ZNF341: variants seen among roughly 807,000 people sequenced by gnomAD.
ZNF341 encodes zinc finger protein 341.
A neutral mutation model predicts 87.7 loss-of-function variants in ZNF341; 52 were observed. The observed-to-expected ratio is 0.59, with a 90% CI of 0.47 to 0.75. The LOEUF (loss-of-function observed/expected upper bound fraction) is 0.75. Among genes scored for constraint, ZNF341 ranks in the 30% least tolerant of loss-of-function variants. The pLI is 0.00. For missense variants in ZNF341, 977 were observed against 1,145.9 expected (o/e 0.85, Z 2.13); for synonymous variants, 459 against 472.7 (o/e 0.97, Z 0.38).
At chr20:33,738,017 A>G (rs910274846) in intron 1 of ZNF341, among the ~76,000 whole-genome samples, 17 of 151,750 alleles carry the variant, frequency 1.1e-4, no homozygotes, top group Admixed American at 6.6e-5. Context: ...TGTGCCTATA[A>G]TCCCAGCTAC....
rs185666845 is a variant in ZNF341 at position 33,734,008 on chromosome 20, T to C, written c.31+1956T>C. On this transcript the variant is annotated intron_variant, in intron 1 of 14. Transcript: ENST00000375200. ...GGTGAGGCTTACTTTCTCTTTAGGC[T>C]GTTTGGACTTCCTCATTGTTTGAAT... is the stretch of plus-strand genomic sequence containing the variant. Among the ~76,000 whole-genome samples the C allele has an allele frequency of 2.0e-5, 3 of 152,342 alleles. No homozygotes were observed. In the East Asian group the frequency reaches 5.8e-4, roughly 29 times the overall value.
intron 4 of ZNF341, among the ~76,000 whole-genome samples, chr20:33,749,847 G>A (rs2019017155): frequency 6.6e-6 from 1 of 151,648 alleles, no homozygotes; most frequent in South Asian, 2.1e-4. Context: ...CCACCTCCCA[G>A]GTCCAAGCAA....
At chr20:33,760,576 C>G (rs1004791999) in intron 7 of ZNF341, among the ~76,000 whole-genome samples, 3 of 151,882 alleles carry the variant, frequency 2.0e-5, no homozygotes, top group Non-Finnish European at 4.4e-5. Flanking sequence ...CAGGGTCTTG[C>G]TCTGTTGCCC....
chr20:33,735,708 C>T (rs2018667709), intron 1 of ZNF341, among the ~76,000 whole-genome samples: 1 of 152,130 alleles, frequency 6.6e-6, no homozygotes, highest in African/African-American at 2.4e-5. Context: ...TCCCACGTGT[C>T]CTTGACCCCA....
rs754751484 is a variant in ZNF341 at position 33,791,695 on chromosome 20, G to A, written c.*178G>A. On this transcript the variant is annotated 3_prime_UTR_variant, in exon 15 of 15. Transcript: ENST00000375200. The stretch of plus-strand genomic sequence containing the variant: ...GGTCGCCCTCCTGTGCCCCTCTCCT[G>A]CCGGAAAGCCCTGCAACATTCTAGG... 4.3e-6 allele frequency: 3 copies of A among 689,748 alleles called. No homozygotes were observed. Among genetic ancestry groups the A allele is most frequent in the Non-Finnish European group, 6.9e-6 (3 of 436,252 alleles). 42.7% of individuals were successfully genotyped at this position (689,748 alleles called of 1,614,324 possible).
intron 10 of ZNF341, among the ~76,000 whole-genome samples, chr20:33,772,433 G>T (rs1310086515): frequency 6.6e-6 from 1 of 152,094 alleles, no homozygotes; most frequent in Non-Finnish European, 1.5e-5. Context: ...GAAGCTTCTG[G>T]GGTTCAGAGA....
chr20:33,733,299 A>G lies in ZNF341; in HGVS notation c.31+1247A>G, dbSNP rs552316220. Among the ~76,000 whole-genome samples the G allele has an allele frequency of 1.8e-3, 273 of 148,476 alleles. 1 individual carries two copies. The highest frequency in any genetic ancestry group is 6.6e-3 in the African/African-American group (267 of 40,174). ...AGTGGAGCGATCTCGGCTCACTGCAACCTCCGCTTCCCGGGGTTCACGCCA... is the reference window on the plus strand; with the variant it reads ...AGTGGAGCGATCTCGGCTCACTGCAGCCTCCGCTTCCCGGGGTTCACGCCA... On this transcript the variant is annotated intron_variant, in intron 1 of 14. Coordinates refer to ENST00000375200, the MANE Select transcript of ZNF341 (RefSeq NM_001282933.2).
intron 5 of ZNF341, among the ~76,000 whole-genome samples, chr20:33,756,944 C>T (rs2019188666): frequency 6.6e-6 from 1 of 152,136 alleles, no homozygotes; most frequent in Non-Finnish European, 1.5e-5. Flanking sequence ...CAGCCTGGCT[C>T]CATAGCTGTT....
chr20:33,750,788 C>T (rs887997058), intron 4 of ZNF341, among the ~76,000 whole-genome samples: 2 of 152,060 alleles, frequency 1.3e-5, no homozygotes, highest in African/African-American at 2.4e-5. Flanking sequence ...TTACAGGCAC[C>T]CGCCACCATG....
In ZNF341 at chr20:33,791,738, C is replaced by T. The variant is rs2020042317; in HGVS notation, c.*221C>T. On this transcript the variant is annotated 3_prime_UTR_variant, in exon 15 of 15. Coordinates refer to ENST00000375200, the MANE Select transcript of ZNF341 (RefSeq NM_001282933.2). Reference sequence around the variant, plus strand: ...ATTCTAGGGTTGGGGGCAGGGCCATCCACGGTTTCTGGGCAGAGCCATGGT... The same window carrying T: ...ATTCTAGGGTTGGGGGCAGGGCCATTCACGGTTTCTGGGCAGAGCCATGGT... The T allele has an allele frequency of 1.9e-6, 1 of 514,968 alleles. No homozygotes were observed. The highest frequency in any genetic ancestry group is 1.9e-5 in the African/African-American group (1 of 53,002). The allele number at this position is 514,968 out of a possible 1,614,324, so 31.9% of individuals were successfully genotyped here.
At chr20:33,790,861 TG>T in intron 14 of ZNF341, 126 bp from the exon 15 acceptor site, 1 of 1,130,710 alleles carries the variant, frequency 8.8e-7, no homozygotes, top group Middle Eastern at 3.0e-4. Flanking sequence ...ACGACGAGGG[TG>T]GAGAGAGCTG....
At chr20:33,737,387 T>C (rs186649855) in intron 1 of ZNF341, among the ~76,000 whole-genome samples, 10 of 152,354 alleles carry the variant, frequency 6.6e-5, no homozygotes, top group African/African-American at 2.4e-4. Flanking sequence ...AATGGCGTGA[T>C]CTCACCTCAC....
At position 33,791,523 on chromosome 20, in the gene ZNF341, C is replaced by T. The variant is rs6120378; in HGVS notation, c.*6C>T. ...ACATCCAGGCCTCCGAGTGACGGACCTGAGGTGTCTGTTTCCTGGGCAGGC... is the reference window on the plus strand; with the variant it reads ...ACATCCAGGCCTCCGAGTGACGGACTTGAGGTGTCTGTTTCCTGGGCAGGC... On this transcript the variant is annotated 3_prime_UTR_variant, in exon 15 of 15. Transcript: ENST00000375200. 6.5e-7 allele frequency: 1 copy of T among 1,538,038 alleles called. No individual in the cohort carries two copies. Among genetic ancestry groups the T allele is most frequent in the South Asian group, 1.2e-5 (1 of 82,620 alleles).
intron 5 of ZNF341, among the ~76,000 whole-genome samples, chr20:33,755,023 A>G (rs770517991): frequency 6.6e-6 from 1 of 150,714 alleles, no homozygotes. Context: ...GCTCACTGCA[A>G]CCTCCACCTC....
At chr20:33,781,228 C>CG in intron 10 of ZNF341, 63 bp from the exon 11 acceptor site, 2 of 1,311,484 alleles carry the variant, frequency 1.5e-6, no homozygotes, top group South Asian at 1.2e-5. Context: ...CTGGGGTGGC[C>CG]GGGGCGCTGC....
At chr20:33,785,253 G>A (rs1210643303) in intron 12 of ZNF341, among the ~76,000 whole-genome samples, 2 of 151,702 alleles carry the variant, frequency 1.3e-5, no homozygotes, top group African/African-American at 4.9e-5. Flanking sequence ...ATTTCATATT[G>A]CAACCCAGGA....
intron 3 of ZNF341, among the ~76,000 whole-genome samples, chr20:33,748,263 G>T (rs1053883454): frequency 1.3e-5 from 2 of 151,758 alleles, no homozygotes; most frequent in South Asian, 2.1e-4. Flanking sequence ...GTAGAGATGG[G>T]GTTTCACCAC....
chr20:33,770,343 G>GGGGGGGGGCGGGC, intron 10 of ZNF341, 51 bp downstream of exon 10: 2 of 511,254 alleles, frequency 3.9e-6, no homozygotes, highest in Non-Finnish European at 8.0e-6. Context: ...GGTGGGCAGG[G>GGGGGGGGGCGGGC]AGCCCAGGGC....
intron 1 of ZNF341, among the ~76,000 whole-genome samples, chr20:33,740,010 A>G (rs1235653863): frequency 6.6e-6 from 1 of 152,148 alleles, no homozygotes; most frequent in African/African-American, 2.4e-5. Flanking sequence ...GATTACAGGC[A>G]CACACCACCA....
Sources: gnomAD v4.1 joint callset for allele counts (sites outside exome capture counted in the v4.1 genomes callset) on GRCh38, gnomAD v4.1.1 for gene constraint, MANE v1.5 for transcripts, NCBI Gene and HGNC (gene_info 2026-07-23, HGNC 2026-07-21) for gene names.